VWA8: variants seen among roughly 807,000 people sequenced by gnomAD.
The protein encoded by VWA8 is von Willebrand factor A domain-containing protein 8.
A neutral mutation model predicts 241.5 loss-of-function variants in VWA8; 221 were observed. The ratio of observed to expected loss-of-function variants is 0.91; its 90% CI spans 0.82 to 1.02. The LOEUF (loss-of-function observed/expected upper bound fraction) is 1.02, where lower values mean the gene tolerates loss of function less well. Among genes scored for constraint, VWA8 ranks in the 50% least tolerant of loss-of-function variants. The pLI, the probability that VWA8 is intolerant of heterozygous loss-of-function variation, is 0.00. For synonymous variants in VWA8, 852 were observed against 827.1 expected (o/e 1.03, Z -0.52); for missense variants, 2,322 against 2,328.7 (o/e 1.00, Z 0.06).
intron 1 of VWA8, among the ~76,000 whole-genome samples, chr13:41,952,647 C>G (rs1395171894): frequency 3.3e-5 from 5 of 152,046 alleles, no homozygotes; most frequent in Non-Finnish European, 7.4e-5. Flanking sequence ...TACAAACATT[C>G]CCTGAGTGTT....
At chr13:41,918,557 T>C (rs35937001) in intron 2 of VWA8, among the ~76,000 whole-genome samples, 2,312 of 152,274 alleles carry the variant, frequency 0.015, 21 homozygotes, top group Middle Eastern at 0.048. Context: ...TAGGGGTGAA[T>C]ATATAATTTC....
intron 2 of VWA8, among the ~76,000 whole-genome samples, chr13:41,923,459 AC>A (rs1458445262): frequency 6.6e-6 from 1 of 152,166 alleles, no homozygotes; most frequent in Non-Finnish European, 1.5e-5. Flanking sequence ...CTTCAGAGAA[AC>A]AGACCTCAGC....
At chr13:41,592,495 A>G (rs1000369110) in intron 40 of VWA8, among the ~76,000 whole-genome samples, 13 of 140,282 alleles carry the variant, frequency 9.3e-5, no homozygotes, top group South Asian at 7.0e-4. Flanking sequence ...AAAATAAAAT[A>G]AAAAGAAAAA....
intron 4 of VWA8, among the ~76,000 whole-genome samples, chr13:41,906,176 C>T (rs1875707346): frequency 6.6e-6 from 1 of 152,028 alleles, no homozygotes; most frequent in Admixed American, 6.5e-5. Context: ...CACATGAGGC[C>T]ATGTGAATAT....
intron 37 of VWA8, among the ~76,000 whole-genome samples, chr13:41,646,682 C>T (rs2139684918): frequency 6.6e-6 from 1 of 152,272 alleles, no homozygotes; most frequent in Non-Finnish European, 1.5e-5. Context: ...TTTAGGAAAG[C>T]AAGAAATATG....
At chr13:41,734,958 A>C (rs915237916) in intron 21 of VWA8, among the ~76,000 whole-genome samples, 3 of 152,118 alleles carry the variant, frequency 2.0e-5, no homozygotes, top group Admixed American at 6.6e-5. Flanking sequence ...TCATATATCT[A>C]TTTTCTGTAT....
chr13:41,754,700 T>G (rs966935234), intron 21 of VWA8, among the ~76,000 whole-genome samples: 2 of 152,168 alleles, frequency 1.3e-5, no homozygotes, highest in African/African-American at 4.8e-5. Context: ...TCATATGTAT[T>G]CTATATAACT....
At chr13:41,689,899 C>A (rs996668917) in intron 33 of VWA8, among the ~76,000 whole-genome samples, 1 of 151,992 alleles carries the variant, frequency 6.6e-6, no homozygotes, top group South Asian at 2.1e-4. Flanking sequence ...AAGATGTTAT[C>A]CTAAATTAGA....
At position 41,911,265 on chromosome 13, in the gene VWA8, T is replaced by C. The variant is rs545072482; in HGVS notation, c.372+773A>G. 7.9e-5 allele frequency among the ~76,000 whole-genome samples: 12 copies of C among 152,216 alleles called. No individual in the cohort carries two copies. The East Asian group carries it at 2.1e-3, about 27-fold the overall frequency. On this transcript the variant is annotated intron_variant, in intron 3 of 44. Transcript: ENST00000379310. ...TTTTAGTAGAGCCGAGGTTTCACCA[T>C]GTTGGCCAGGCTGGTCTCGAACTCC...
At chr13:41,741,648 C>CA (rs1312838720) in intron 21 of VWA8, among the ~76,000 whole-genome samples, 1 of 151,758 alleles carries the variant, frequency 6.6e-6, no homozygotes, top group African/African-American at 2.4e-5. Context: ...TGTAGGCATG[C>CA]AAAAAATGGT....
At chr13:41,721,230 T>G in intron 25 of VWA8, 140 bp downstream of exon 25, 1 of 911,122 alleles carries the variant, frequency 1.1e-6, no homozygotes, top group Non-Finnish European at 1.7e-6. Flanking sequence ...ATTTATAACT[T>G]AGATTATACA....
intron 43 of VWA8, among the ~76,000 whole-genome samples, chr13:41,573,494 T>C (rs995613922): frequency 7.5e-6 from 1 of 133,456 alleles, no homozygotes; most frequent in South Asian, 2.2e-4. Context: ...AAAATATATA[T>C]ATATATATAT....
At chr13:41,874,267 AC>A (rs1322844573) in intron 9 of VWA8, among the ~76,000 whole-genome samples, 1 of 150,384 alleles carries the variant, frequency 6.6e-6, no homozygotes, top group Admixed American at 6.6e-5. Context: ...CCCTTTGAAA[AC>A]TGGCACAAGA....
chr13:41,592,207 A>G (rs1209913908), intron 40 of VWA8, among the ~76,000 whole-genome samples: 2 of 142,352 alleles, frequency 1.4e-5, no homozygotes. Context: ...TCAGTAAACT[A>G]TCGCAAGAAC....
intron 20 of VWA8, among the ~76,000 whole-genome samples, chr13:41,773,237 A>G (rs1868414222): frequency 6.6e-6 from 1 of 152,246 alleles, no homozygotes; most frequent in African/African-American, 2.4e-5. Context: ...CTGAGAGTCA[A>G]TTGTCCTCCA....
intron 43 of VWA8, 144 bp downstream of exon 43, chr13:41,575,596 G>T: frequency 1.7e-6 from 1 of 574,196 alleles, no homozygotes. Flanking sequence ...AGGCATGATG[G>T]GTGTTTTCTC....
chr13:41,882,053 G>A lies in VWA8; in HGVS notation c.1080+1334C>T, dbSNP rs1439741101. The stretch of plus-strand genomic sequence containing the variant: ...GGGGCTCCTCACTTCTCAGACGGGC[G>A]GTTGCCAGGCGGAGGGTCTCCTCAC... On this transcript the variant is annotated intron_variant, in intron 9 of 44. Transcript: ENST00000379310. Among the ~76,000 whole-genome samples, 5 of 126,284 alleles carry A rather than the reference G, an allele frequency of 4.0e-5. 1 individual carries two copies. The highest frequency in any genetic ancestry group is 6.7e-5 in the African/African-American group (2 of 29,822). 82.8% of individuals were successfully genotyped at this position (126,284 alleles called of 152,430 possible). A position where few individuals can be genotyped will look rare whatever the true frequency, so the allele number is the denominator to read the frequency against.
intron 8 of VWA8, among the ~76,000 whole-genome samples, chr13:41,885,646 T>C (rs1874489922): frequency 6.6e-6 from 1 of 152,212 alleles, no homozygotes; most frequent in Non-Finnish European, 1.5e-5. Context: ...AGCACACCTC[T>C]TACTTGATCA....
intron 21 of VWA8, among the ~76,000 whole-genome samples, chr13:41,749,619 T>C (rs1158183149): frequency 6.6e-6 from 1 of 152,036 alleles, no homozygotes; most frequent in Non-Finnish European, 1.5e-5. Flanking sequence ...TGTCCAACAA[T>C]GATAGACTAG....
Sources: gnomAD v4.1 joint callset for allele counts (sites outside exome capture counted in the v4.1 genomes callset) on GRCh38, gnomAD v4.1.1 for gene constraint, MANE v1.5 for transcripts, NCBI Gene and HGNC (gene_info 2026-07-23, HGNC 2026-07-21) for gene names.